Variants in BAZ1B observed in about 807,000 individuals in gnomAD.
The protein encoded by BAZ1B is tyrosine-protein kinase BAZ1B.
Under a neutral mutation model 153.8 loss-of-function variants are expected in BAZ1B, and 22 were observed. That is an observed-to-expected ratio of 0.14 (90% CI 0.10 to 0.20). BAZ1B has a LOEUF of 0.20. Among genes scored for constraint, BAZ1B ranks in the 10% least tolerant of loss-of-function variants. BAZ1B has a pLI of 1.00. For missense variants in BAZ1B, 1,325 were observed against 1,799.3 expected, an observed-to-expected ratio of 0.74 and a Z score of 4.77; for synonymous variants, 676 against 633.4, an observed-to-expected ratio of 1.07 and a Z score of -1.01.
In BAZ1B at chr7:73,476,966, T is replaced by C. The variant is rs372691439; in HGVS notation, c.2495A>G (p.Asp832Gly). ...KEIVKFEPQVDTEAEDMISAV... is the reference protein window; with the variant it reads ...KEIVKFEPQVGTEAEDMISAV... ...ACTAATCATGTCTTCAGCTTCTGTA[T>C]CTACTTGGGGCTCAAACTTCACAAT... Residue 832 changes from aspartate to glycine, a missense_variant, in exon 7 of 20, where the codon GAT (aspartate) becomes GGT (glycine). Physicochemically the swap from Asp to Gly is moderately conservative, Grantham distance 94. Coordinates refer to ENST00000339594, the MANE Select transcript of BAZ1B (RefSeq NM_032408.4). 3.4e-5 allele frequency: 55 copies of C among 1,614,224 alleles called. No homozygotes were observed. The highest frequency in any genetic ancestry group is 4.5e-5 in the Non-Finnish European group (53 of 1,180,040).
intron 18 of BAZ1B, 71 bp from the exon 19 acceptor site, chr7:73,442,624 T>C: frequency 6.4e-7 from 1 of 1,557,306 alleles, no homozygotes; most frequent in Non-Finnish European, 8.7e-7. Flanking sequence ...AGACACGTCC[T>C]GAAAAGCAAG....
At chr7:73,514,111 C>G (rs1289942209) in intron 1 of BAZ1B, among the ~76,000 whole-genome samples, 1 of 152,144 alleles carries the variant, frequency 6.6e-6, no homozygotes, top group Non-Finnish European at 1.5e-5. Flanking sequence ...TGAGCTCTTC[C>G]TTTGACGATC....
chr7:73,515,080 A>C (rs1349809047), intron 1 of BAZ1B, among the ~76,000 whole-genome samples: 1 of 152,286 alleles, frequency 6.6e-6, no homozygotes, highest in African/African-American at 2.4e-5. Context: ...TCAAAAAAAA[A>C]CAAAAAACCT....
intron 1 of BAZ1B, among the ~76,000 whole-genome samples, chr7:73,517,863 G>A (rs1790874066): frequency 6.6e-6 from 1 of 152,154 alleles, no homozygotes; most frequent in African/African-American, 2.4e-5. Context: ...GTCTTGCAGG[G>A]ATTGTTTCTT....
chr7:73,469,955 G>A (rs782478402), intron 8 of BAZ1B, among the ~76,000 whole-genome samples: 125 of 152,196 alleles, frequency 8.2e-4, no homozygotes, highest in African/African-American at 1.2e-3. Flanking sequence ...CAATCCTCTC[G>A]ACTCAGCCTC....
intron 10 of BAZ1B, among the ~76,000 whole-genome samples, chr7:73,465,984 G>C (rs995912428): frequency 6.6e-6 from 1 of 152,040 alleles, no homozygotes; most frequent in Non-Finnish European, 1.5e-5. Flanking sequence ...AAAATTTAAG[G>C]AAAATCTTAA....
chr7:73,521,753 C>G, intron 1 of BAZ1B, 74 bp downstream of exon 1: 2 of 1,300,360 alleles, frequency 1.5e-6, no homozygotes, highest in Non-Finnish European at 2.1e-6. Context: ...CGCGGCTGAC[C>G]TGGTCTCGCG....
At chr7:73,501,170 C>T (rs922388850) in intron 3 of BAZ1B, among the ~76,000 whole-genome samples, 12 of 152,020 alleles carry the variant, frequency 7.9e-5, no homozygotes, top group Admixed American at 6.6e-4. Flanking sequence ...ACAGGAGAAT[C>T]GCTTGAACCT....
intron 1 of BAZ1B, among the ~76,000 whole-genome samples, chr7:73,514,438 CAGG>C (rs368231765): frequency 1.3e-5 from 2 of 151,078 alleles, no homozygotes; most frequent in African/African-American, 4.9e-5. Context: ...GAGGCTGATG[CAGG>C]AGAACTGCTT....
chr7:73,514,586 C>G (rs1233157882), intron 1 of BAZ1B, among the ~76,000 whole-genome samples: 2 of 149,656 alleles, frequency 1.3e-5, no homozygotes, highest in Non-Finnish European at 3.0e-5. Flanking sequence ...CAGGCACGAA[C>G]ATCGCTCAAG....
chr7:73,489,085 C>A (rs1409069583), intron 6 of BAZ1B, 109 bp downstream of exon 6: 3 of 1,179,152 alleles, frequency 2.5e-6, no homozygotes, highest in African/African-American at 1.6e-5. Flanking sequence ...ATTTTTAATT[C>A]ATTATCTGAT....
chr7:73,469,477 A>T lies in BAZ1B; in HGVS notation c.2866+40T>A, dbSNP rs202198940. 15 of 1,609,420 alleles carry T rather than the reference A, an allele frequency of 9.3e-6. No individual in the cohort carries two copies. In the East Asian group the frequency reaches 3.3e-4, roughly 36 times the overall value. ...CAGTCCTTAATGTTGAGCCCACTTGAGCAGGGTGAAATAACTCTTAGATAT... is the reference window on the plus strand; with the variant it reads ...CAGTCCTTAATGTTGAGCCCACTTGTGCAGGGTGAAATAACTCTTAGATAT... On this transcript the variant is annotated intron_variant, in intron 9 of 19. Transcript: ENST00000339594.
intron 10 of BAZ1B, 31 bp from the exon 11 acceptor site, chr7:73,465,568 GAAAA>G: frequency 6.1e-6 from 6 of 980,042 alleles, no homozygotes; most frequent in Admixed American, 2.8e-5. Context: ...TGATAACTCT[GAAAA>G]AAAAAAAAAA....
chr7:73,488,428 A>C (rs1789502142), intron 6 of BAZ1B, among the ~76,000 whole-genome samples: 1 of 152,128 alleles, frequency 6.6e-6, no homozygotes, highest in South Asian at 2.1e-4. Context: ...AAAAGTGAGG[A>C]TTTTAAAAAT....
intron 6 of BAZ1B, among the ~76,000 whole-genome samples, chr7:73,485,625 GAAAAAA>G (rs71517389): frequency 1.3e-5 from 1 of 76,226 alleles, no homozygotes; most frequent in Non-Finnish European, 2.9e-5. Flanking sequence ...GCCTACCTCA[GAAAAAA>G]AAAAAAAAAA....
chr7:73,508,872 C>T (rs1790456960), intron 2 of BAZ1B, among the ~76,000 whole-genome samples: 1 of 151,990 alleles, frequency 6.6e-6, no homozygotes, highest in African/African-American at 2.4e-5. Context: ...AATTAGCCGG[C>T]CATGGTGGCT....
At chr7:73,519,694 C>T (rs1790952097) in intron 1 of BAZ1B, among the ~76,000 whole-genome samples, 2 of 152,142 alleles carry the variant, frequency 1.3e-5, no homozygotes, top group African/African-American at 4.8e-5. Context: ...AAATTAACTT[C>T]CTACAGCCAT....
intron 16 of BAZ1B, among the ~76,000 whole-genome samples, chr7:73,446,546 CAAAAAAAA>C (rs1175189600): frequency 2.4e-5 from 1 of 41,534 alleles, no homozygotes; most frequent in Non-Finnish European, 5.4e-5. Context: ...GAGACCATCT[CAAAAAAAA>C]AAAAAAAAAA....
At chr7:73,492,766 T>G (rs1377822289) in intron 5 of BAZ1B, 34 bp downstream of exon 5, 2 of 1,552,806 alleles carry the variant, frequency 1.3e-6, no homozygotes, top group Admixed American at 4.0e-5. Context: ...TTAAAGAACA[T>G]CTATCACATG....
Sources: allele counts gnomAD v4.1 joint callset (sites outside exome capture counted in the v4.1 genomes callset), GRCh38; gene constraint gnomAD v4.1.1; transcripts MANE v1.5; gene names NCBI Gene and HGNC (gene_info 2026-07-23, HGNC 2026-07-21).